Variants in AP4S1 observed in about 807,000 individuals in gnomAD.
The protein encoded by AP4S1 is AP-4 complex subunit sigma-1.
AP4S1 carries 23 observed loss-of-function variants against 19.8 expected under a neutral mutation model. The observed-to-expected ratio is 1.16, with a 90% confidence interval of 0.84 to 1.65. AP4S1 has a LOEUF of 1.65. AP4S1 is among the 40% of genes most tolerant of loss of function. The probability of loss-of-function intolerance (pLI) is 0.00; values close to 1 mark genes in which losing one functional copy is unlikely to be tolerated. For synonymous variants in AP4S1, 46 were observed against 54.1 expected (o/e 0.85, Z 0.66); for missense variants, 166 against 172.8 (o/e 0.96, Z 0.22).
chr14:31,083,880 G>T (rs891170979), intron 5 of AP4S1, among the ~76,000 whole-genome samples: 1 of 152,036 alleles, frequency 6.6e-6, no homozygotes, highest in Non-Finnish European at 1.5e-5. Flanking sequence ...ACCATCACAT[G>T]TTCAAGGAGG....
At chr14:31,037,321 T>C (rs1884840828) in intron 1 of AP4S1, among the ~76,000 whole-genome samples, 1 of 152,048 alleles carries the variant, frequency 6.6e-6, no homozygotes. Context: ...TAGTTTTTGG[T>C]AGAGATGTTG....
intron 2 of AP4S1, 97 bp from the exon 3 acceptor site, chr14:31,069,746 T>C (rs1886898871): frequency 4.4e-6 from 4 of 919,048 alleles, no homozygotes; most frequent in African/African-American, 1.6e-5. Flanking sequence ...TTTCTAGGAA[T>C]GTTTGTCGGG....
At chr14:31,050,053 C>G (rs903599054) in intron 1 of AP4S1, among the ~76,000 whole-genome samples, 1 of 152,180 alleles carries the variant, frequency 6.6e-6, no homozygotes, top group African/African-American at 2.4e-5. Flanking sequence ...TCCTGAGTAG[C>G]TGGGATTACA....
At chr14:31,044,871 G>C (rs919227166) in intron 1 of AP4S1, among the ~76,000 whole-genome samples, 1 of 151,786 alleles carries the variant, frequency 6.6e-6, no homozygotes, top group African/African-American at 2.4e-5. Context: ...AGACATGACA[G>C]TATATTCTTT....
At chr14:31,092,836 G>C in intron 5 of AP4S1, 71 bp from the exon 6 acceptor site, 2 of 1,238,492 alleles carry the variant, frequency 1.6e-6, no homozygotes, top group Non-Finnish European at 2.2e-6. Context: ...AACACTCTAG[G>C]TTAAGCCATA....
At chr14:31,082,844 C>A (rs939096795) in intron 5 of AP4S1, among the ~76,000 whole-genome samples, 1 of 150,182 alleles carries the variant, frequency 6.7e-6, no homozygotes, top group Non-Finnish European at 1.5e-5. Flanking sequence ...TGCAGTGAGC[C>A]GAGATTGCGC....
chr14:31,065,205 C>T (rs182924262), intron 1 of AP4S1, among the ~76,000 whole-genome samples: 1 of 152,280 alleles, frequency 6.6e-6, no homozygotes, highest in Non-Finnish European at 1.5e-5. Context: ...TAATTTCCTG[C>T]AACTATTCTT....
intron 2 of AP4S1, among the ~76,000 whole-genome samples, chr14:31,068,234 A>T (rs1236853167): frequency 6.6e-6 from 1 of 152,232 alleles, no homozygotes; most frequent in Non-Finnish European, 1.5e-5. Flanking sequence ...AAACTTGCCA[A>T]ATCTGTTGGA....
chr14:31,071,572 C>T (rs996577128), intron 3 of AP4S1, among the ~76,000 whole-genome samples: 1 of 152,106 alleles, frequency 6.6e-6, no homozygotes, highest in African/African-American at 2.4e-5. Context: ...AGGCACCCAC[C>T]ATCACGCCCA....
At position 31,064,761 on chromosome 14, in the gene AP4S1, G is replaced by A. The variant is rs186268900; in HGVS notation, c.-71-1365G>A. ...CACTTGAGCCTAAGTGTTCAAGAACGGCTGGCAATATAGTGAAACCTCATC... is the reference window on the plus strand; with the variant it reads ...CACTTGAGCCTAAGTGTTCAAGAACAGCTGGCAATATAGTGAAACCTCATC... On this transcript the variant is annotated intron_variant, in intron 1 of 5. Transcript: ENST00000542754. Among the ~76,000 whole-genome samples, 7 of 152,256 alleles carry A rather than the reference G, an allele frequency of 4.6e-5. No homozygotes were observed. In the East Asian group the frequency reaches 5.8e-4, roughly 13 times the overall value.
At chr14:31,027,768 T>C (rs1884117502) in intron 1 of AP4S1, among the ~76,000 whole-genome samples, 1 of 152,202 alleles carries the variant, frequency 6.6e-6, no homozygotes, top group Non-Finnish European at 1.5e-5. Flanking sequence ...TCCTAGAAAA[T>C]ATCCTAATGC....
intron 5 of AP4S1, among the ~76,000 whole-genome samples, chr14:31,084,305 C>G (rs1887812165): frequency 6.6e-6 from 1 of 152,190 alleles, no homozygotes; most frequent in Admixed American, 6.5e-5. Flanking sequence ...GCTTTTCCCC[C>G]TGATTTTTTA....
At chr14:31,052,934 ATTTTTTT>A (rs1209280743) in intron 1 of AP4S1, among the ~76,000 whole-genome samples, 4 of 101,240 alleles carry the variant, frequency 4.0e-5, no homozygotes, top group African/African-American at 7.7e-5. Context: ...AGTGTGCTAA[ATTTTTTT>A]TTTTTTTTTT....
chr14:31,058,346 G>A (rs1196677128), intron 1 of AP4S1, among the ~76,000 whole-genome samples: 1 of 151,982 alleles, frequency 6.6e-6, no homozygotes, highest in African/African-American at 2.4e-5. Flanking sequence ...TTTTCCTCTC[G>A]GGGTTTTCTA....
At chr14:31,079,468 C>T (rs1594704657) in intron 4 of AP4S1, among the ~76,000 whole-genome samples, 2 of 151,998 alleles carry the variant, frequency 1.3e-5, no homozygotes, top group South Asian at 2.1e-4. Flanking sequence ...GCTGCACATT[C>T]GGAGGGAAGG....
In AP4S1 at chr14:31,067,852, C is replaced by G. The variant is rs537703936; in HGVS notation, c.138+1518C>G. ...AGTCCATTTTGCAAAGAATTTTTTC[C>G]CTAGCTCATACCTTGAACACAATAT... is the stretch of plus-strand genomic sequence containing the variant. On this transcript the variant is annotated intron_variant, in intron 2 of 5. Coordinates refer to ENST00000542754, the MANE Select transcript of AP4S1 (RefSeq NM_001128126.3). 6.6e-5 allele frequency among the ~76,000 whole-genome samples: 10 copies of G among 150,812 alleles called. No individual in the cohort carries two copies. The East Asian group carries it at 2.0e-3, about 30-fold the overall frequency.
At chr14:31,069,815 A>C in intron 2 of AP4S1, 28 bp from the exon 3 acceptor site, 1 of 1,533,302 alleles carries the variant, frequency 6.5e-7, no homozygotes. Flanking sequence ...CAGCCACAGG[A>C]ATTAATATCT....
At chr14:31,036,854 G>A (rs547585766) in intron 1 of AP4S1, among the ~76,000 whole-genome samples, 5 of 151,632 alleles carry the variant, frequency 3.3e-5, no homozygotes, top group South Asian at 2.1e-4. Context: ...TCGCTCTGTC[G>A]CCAGGCTGGA....
chr14:31,029,499 T>G (rs755302164), intron 1 of AP4S1, among the ~76,000 whole-genome samples: 1 of 152,242 alleles, frequency 6.6e-6, no homozygotes, highest in Non-Finnish European at 1.5e-5. Flanking sequence ...ATTTAACACA[T>G]GCTGTGCCCC....
Sources: gnomAD v4.1 joint callset for allele counts (sites outside exome capture counted in the v4.1 genomes callset) on GRCh38, gnomAD v4.1.1 for gene constraint, MANE v1.5 for transcripts, NCBI Gene and HGNC (gene_info 2026-07-23, HGNC 2026-07-21) for gene names.